The following DTNB variants were observed in gnomAD, a reference collection of about 807,000 sequenced individuals.
DTNB encodes the protein DTN-B.
In DTNB, 63 loss-of-function variants were observed where a neutral mutation model predicts 90.7. The ratio of observed to expected loss-of-function variants is 0.69; its 90% CI spans 0.57 to 0.86. DTNB has a LOEUF of 0.86. Ranked by LOEUF, DTNB falls within the 40% of genes least tolerant of loss-of-function variation. The pLI is 0.00. For missense variants in DTNB, 744 were observed against 807.1 expected (o/e 0.92, Z 0.95); for synonymous variants, 277 against 286.7 (o/e 0.97, Z 0.34).
chr2:25,382,483 C>T (rs1235028891), intron 19 of DTNB, among the ~76,000 whole-genome samples: 1 of 148,040 alleles, frequency 6.8e-6, no homozygotes, highest in Non-Finnish European at 1.5e-5. Flanking sequence ...AGATTAAGAG[C>T]ACGAAGTTTG....
intron 9 of DTNB, among the ~76,000 whole-genome samples, chr2:25,526,362 A>G (rs1273100501): frequency 1.0e-5 from 1 of 99,816 alleles, no homozygotes; most frequent in Non-Finnish European, 1.8e-5. Flanking sequence ...AATATATATA[A>G]ATATATATAT....
At chr2:25,546,710 ATTG>A (rs879926916) in intron 8 of DTNB, among the ~76,000 whole-genome samples, 2 of 152,138 alleles carry the variant, frequency 1.3e-5, no homozygotes, top group South Asian at 2.1e-4. Flanking sequence ...CTACATTTCA[ATTG>A]TTGTTGTTAT....
intron 4 of DTNB, among the ~76,000 whole-genome samples, chr2:25,620,869 A>C (rs985689815): frequency 6.6e-6 from 1 of 152,180 alleles, no homozygotes; most frequent in African/African-American, 2.4e-5. Context: ...TTTAAAAAGC[A>C]AAAGAAAATA....
chr2:25,523,231 G>A (rs2076458885), intron 9 of DTNB, among the ~76,000 whole-genome samples: 1 of 152,068 alleles, frequency 6.6e-6, no homozygotes, highest in African/African-American at 2.4e-5. Context: ...AAACCTATTT[G>A]CAAATGCACA....
intron 4 of DTNB, among the ~76,000 whole-genome samples, chr2:25,607,967 A>C (rs1177043244): frequency 2.0e-5 from 3 of 152,200 alleles, no homozygotes; most frequent in Non-Finnish European, 4.4e-5. Flanking sequence ...AACATAAATG[A>C]ATCACCTAAG....
chr2:25,519,228 G>T (rs2075700557), intron 9 of DTNB, among the ~76,000 whole-genome samples: 1 of 152,006 alleles, frequency 6.6e-6, no homozygotes, highest in Admixed American at 6.6e-5. Flanking sequence ...GCCAGGCGTG[G>T]TGACATGTGC....
chr2:25,624,478 A>T (rs1391796158), intron 4 of DTNB, among the ~76,000 whole-genome samples: 1 of 152,212 alleles, frequency 6.6e-6, no homozygotes, highest in African/African-American at 2.4e-5. Context: ...GAGCTGATAC[A>T]AGAAGGGGGC....
intron 17 of DTNB, 137 bp downstream of exon 17, chr2:25,388,065 T>C: frequency 7.1e-7 from 1 of 1,412,112 alleles, no homozygotes; most frequent in Non-Finnish European, 9.5e-7. Context: ...AGCACCTGAC[T>C]TATTTACACT....
At chr2:25,630,799 A>C (rs1340337767) in intron 3 of DTNB, among the ~76,000 whole-genome samples, 13 of 146,546 alleles carry the variant, frequency 8.9e-5, no homozygotes, top group Admixed American at 8.5e-4. Context: ...AGCCAAGATT[A>C]CACCACTGCA....
intron 9 of DTNB, among the ~76,000 whole-genome samples, chr2:25,526,769 G>A (rs1024975671): frequency 6.6e-6 from 1 of 152,004 alleles, no homozygotes; most frequent in African/African-American, 2.4e-5. Context: ...CATACACGAC[G>A]AGCACATTAG....
intron 10 of DTNB, among the ~76,000 whole-genome samples, chr2:25,460,901 T>C (rs1053506650): frequency 1.7e-5 from 2 of 118,864 alleles, no homozygotes; most frequent in Non-Finnish European, 4.0e-5. Context: ...AAAGGTTTTT[T>C]GTTTTTTTTT....
chr2:25,525,371 G>A (rs957045999), intron 9 of DTNB, among the ~76,000 whole-genome samples: 2 of 152,066 alleles, frequency 1.3e-5, no homozygotes, highest in Non-Finnish European at 2.9e-5. Flanking sequence ...CAAGCTGGGC[G>A]CAGTGGCTCA....
At chr2:25,555,680 C>T (rs1415680679) in intron 8 of DTNB, among the ~76,000 whole-genome samples, 1 of 152,108 alleles carries the variant, frequency 6.6e-6, no homozygotes, top group African/African-American at 2.4e-5. Flanking sequence ...AACCTCTTTC[C>T]ACATCGATTC....
chr2:25,668,245 T>A (rs997027996), intron 1 of DTNB, among the ~76,000 whole-genome samples: 6 of 151,072 alleles, frequency 4.0e-5, no homozygotes, highest in Non-Finnish European at 8.9e-5. Context: ...TCTCAAAAAA[T>A]AAAAATAAAA....
rs965870043 is a variant in DTNB at position 25,553,106 on chromosome 2, C to T, written c.877-21509G>A. 4.4e-4 allele frequency among the ~76,000 whole-genome samples: 67 copies of T among 151,784 alleles called. 1 individual carries two copies. Among genetic ancestry groups the T allele is most frequent in the African/African-American group, 6.0e-4 (25 of 41,384 alleles). ...CGATCTCCTGACCTCATGATCCACCCGCCTCGGCCTCCCAGTTGATATTTT... is the reference window on the plus strand; with the variant it reads ...CGATCTCCTGACCTCATGATCCACCTGCCTCGGCCTCCCAGTTGATATTTT... On this transcript the variant is annotated intron_variant, in intron 8 of 20. Coordinates refer to ENST00000406818, the MANE Select transcript of DTNB (RefSeq NM_021907.5).
intron 9 of DTNB, among the ~76,000 whole-genome samples, chr2:25,504,331 A>AGAAG (rs938922650): frequency 4.7e-5 from 7 of 150,352 alleles, no homozygotes; most frequent in South Asian, 4.3e-4. Context: ...GAAGAAAGAA[A>AGAAG]GAAGGAAGGA....
chr2:25,526,849 G>C (rs2077284255), intron 9 of DTNB, among the ~76,000 whole-genome samples: 1 of 152,070 alleles, frequency 6.6e-6, no homozygotes, highest in Non-Finnish European at 1.5e-5. Context: ...TAAAAAATAT[G>C]ATAAATAGCA....
At chr2:25,438,739 T>A (rs570239042) in intron 12 of DTNB, among the ~76,000 whole-genome samples, 4 of 152,302 alleles carry the variant, frequency 2.6e-5, no homozygotes, top group Non-Finnish European at 5.9e-5. Flanking sequence ...GAAGAGTCTG[T>A]GTGGAAAGGA....
chr2:25,531,948 C>A (rs767938853), intron 8 of DTNB, among the ~76,000 whole-genome samples: 1 of 152,042 alleles, frequency 6.6e-6, no homozygotes, highest in African/African-American at 2.4e-5. Context: ...TGATCAGAGT[C>A]GGAACTTTTT....
Sources: allele counts gnomAD v4.1 joint callset (sites outside exome capture counted in the v4.1 genomes callset), GRCh38; gene constraint gnomAD v4.1.1; transcripts MANE v1.5; gene names NCBI Gene and HGNC (gene_info 2026-07-23, HGNC 2026-07-21).